Variants in MYO3B observed in about 807,000 individuals in gnomAD.
MYO3B encodes the protein myosin-IIIb.
MYO3B carries 156 observed loss-of-function variants against 174.6 expected under a neutral mutation model. The observed-to-expected ratio is 0.89, with a 90% confidence interval of 0.78 to 1.02. MYO3B has a LOEUF of 1.02. Ranked by LOEUF, MYO3B falls within the 50% of genes least tolerant of loss-of-function variation. MYO3B has a pLI of 0.00. For synonymous variants in MYO3B, 563 were observed against 569.1 expected, an observed-to-expected ratio of 0.99 and a Z score of 0.15; for missense variants, 1,632 against 1,639.4, an observed-to-expected ratio of 1.00 and a Z score of 0.08.
At chr2:170,195,338 A>G (rs2092586875) in intron 1 of MYO3B, among the ~76,000 whole-genome samples, 1 of 152,062 alleles carries the variant, frequency 6.6e-6, no homozygotes, top group Non-Finnish European at 1.5e-5. Flanking sequence ...AGATGAGAAG[A>G]ACAGAAGAAC....
intron 7 of MYO3B, among the ~76,000 whole-genome samples, chr2:170,238,414 A>C (rs888057954): frequency 6.6e-6 from 1 of 152,202 alleles, no homozygotes; most frequent in Non-Finnish European, 1.5e-5. Context: ...CAAATGAAAA[A>C]TAATGACAAA....
chr2:170,398,647 A>G (rs1010800978), intron 16 of MYO3B, among the ~76,000 whole-genome samples: 1 of 152,092 alleles, frequency 6.6e-6, no homozygotes. Context: ...GCTTGTTGTA[A>G]ATAACGAAAG....
Position 170,214,391 on chromosome 2 carries a change from G to A in MYO3B, c.334G>A (p.Gly112Ser). The A allele has an allele frequency of 6.2e-7, 1 of 1,613,988 alleles. No individual in the cohort carries two copies. Among genetic ancestry groups the A allele is most frequent in the Non-Finnish European group, 8.5e-7 (1 of 1,179,918 alleles). ...CCTCTTCTTGCAGCTGTGTAATGGG[G>A]GCTCAGTCACTGAGCTTGTCAAAGG... ...LWLVLELCNG[G>S]SVTELVKGLL... is the part of the protein sequence containing the mutation. Residue 112 changes from glycine to serine, a missense_variant, in exon 4 of 35, where the codon GGC becomes AGC. Gly to Ser is a moderately conservative substitution (Grantham distance 56). Coordinates refer to ENST00000408978, the MANE Select transcript of MYO3B (RefSeq NM_138995.5).
intron 32 of MYO3B, among the ~76,000 whole-genome samples, chr2:170,546,665 G>A (rs541602865): frequency 1.1e-3 from 167 of 152,206 alleles, no homozygotes; most frequent in Middle Eastern, 3.4e-3. Flanking sequence ...TAGTTTTTCC[G>A]TTTCGCATAT....
chr2:170,476,170 C>T (rs1010595743), intron 25 of MYO3B, among the ~76,000 whole-genome samples: 2 of 152,176 alleles, frequency 1.3e-5, no homozygotes, highest in Admixed American at 6.5e-5. Context: ...TGGATGGACA[C>T]GTGCAGGAGC....
rs372589205 is a variant in MYO3B at position 170,211,506 on chromosome 2, T to C, written c.322-2873T>C. ...TAAGGTTATTATTTCACTGTGAGCG[T>C]ATGCGGTATTTTCGAAGGGGATAAG... On this transcript the variant is annotated intron_variant, in intron 3 of 34. Transcript: ENST00000408978. Among the ~76,000 whole-genome samples the C allele has an allele frequency of 8.5e-5, 13 of 152,172 alleles. No individual in the cohort carries two copies. The East Asian group carries it at 2.3e-3, about 27-fold the overall frequency.
intron 22 of MYO3B, among the ~76,000 whole-genome samples, chr2:170,414,767 T>G (rs1302932039): frequency 6.6e-6 from 1 of 152,242 alleles, no homozygotes; most frequent in Non-Finnish European, 1.5e-5. Context: ...AATATTTTGT[T>G]GTTTTCAGCA....
chr2:170,191,050 A>C (rs2092534410), intron 1 of MYO3B, among the ~76,000 whole-genome samples: 1 of 151,936 alleles, frequency 6.6e-6, no homozygotes, highest in Admixed American at 6.6e-5. Context: ...TGCTCTTATT[A>C]GCAAGTGATG....
chr2:170,607,947 TGAA>T (rs1361578414), intron 32 of MYO3B, among the ~76,000 whole-genome samples: 1 of 152,206 alleles, frequency 6.6e-6, no homozygotes, highest in Admixed American at 6.5e-5. Context: ...ATATGTTTTG[TGAA>T]GGAGAAGTAA....
intron 8 of MYO3B, among the ~76,000 whole-genome samples, chr2:170,355,446 T>C (rs1399131609): frequency 1.3e-5 from 2 of 152,242 alleles, no homozygotes; most frequent in African/African-American, 4.8e-5. Flanking sequence ...CCAGTACGAC[T>C]ATTGCAGCTC....
intron 25 of MYO3B, among the ~76,000 whole-genome samples, chr2:170,484,034 T>A (rs1685870012): frequency 6.6e-6 from 1 of 152,218 alleles, no homozygotes; most frequent in Non-Finnish European, 1.5e-5. Flanking sequence ...GGTTTAGGGA[T>A]GACTTACAGA....
chr2:170,514,916 C>T lies in MYO3B; in HGVS notation c.3371-5C>T. The T allele has an allele frequency of 6.2e-7, 1 of 1,612,208 alleles. No individual in the cohort carries two copies. The highest frequency in any genetic ancestry group is 8.5e-7 in the Non-Finnish European group (1 of 1,179,018). ...TTGAGAAAGTCTTTTTGTTTCATTC[C>T]ACAGGGGACACTTCAAACCAAAGCA... On this transcript the variant is annotated splice_polypyrimidine_tract_variant and splice_region_variant and intron_variant, in intron 28 of 34. Coordinates refer to ENST00000408978, the MANE Select transcript of MYO3B (RefSeq NM_138995.5).
intron 32 of MYO3B, among the ~76,000 whole-genome samples, chr2:170,645,468 C>CAAAAAA (rs55720994): frequency 1.5e-5 from 1 of 66,392 alleles, no homozygotes; most frequent in Non-Finnish European, 3.0e-5. Context: ...GGCTCCGTCT[C>CAAAAAA]AAAAAAAAAA....
chr2:170,573,201 G>T (rs1349795607), intron 32 of MYO3B, among the ~76,000 whole-genome samples: 1 of 140,714 alleles, frequency 7.1e-6, no homozygotes, highest in African/African-American at 2.7e-5. Context: ...GTAAACATAT[G>T]TAATAAACAT....
intron 22 of MYO3B, among the ~76,000 whole-genome samples, chr2:170,420,604 A>G (rs1474787992): frequency 6.6e-6 from 1 of 152,136 alleles, no homozygotes; most frequent in Non-Finnish European, 1.5e-5. Flanking sequence ...GGAACTAGCA[A>G]ATGTTAATTA....
intron 25 of MYO3B, among the ~76,000 whole-genome samples, chr2:170,493,414 G>T (rs1686619992): frequency 6.6e-6 from 1 of 151,890 alleles, no homozygotes; most frequent in African/African-American, 2.4e-5. Flanking sequence ...TAATGACCTG[G>T]ACATCAGTGA....
chr2:170,317,506 A>G (rs1456864324), intron 7 of MYO3B, among the ~76,000 whole-genome samples: 1 of 152,170 alleles, frequency 6.6e-6, no homozygotes, highest in African/African-American at 2.4e-5. Context: ...CCATTTTGGG[A>G]AGATTTCAGA....
At position 170,653,152 on chromosome 2, in the gene MYO3B, A is replaced by C. The variant is rs781367928; in HGVS notation, c.*31A>C. The C allele has an allele frequency of 3.1e-6, 5 of 1,613,164 alleles. No homozygotes were observed. The highest frequency in any genetic ancestry group is 4.2e-6 in the Non-Finnish European group (5 of 1,179,262). On this transcript the variant is annotated 3_prime_UTR_variant, in exon 35 of 35. Coordinates refer to ENST00000408978, the MANE Select transcript of MYO3B (RefSeq NM_138995.5). ...GCTTCCTAACCCTAAATCTGTCCAG[A>C]GTAGGAACATTCATGGTAATCGACT...
At chr2:170,184,777 T>C (rs1338472608) in intron 1 of MYO3B, among the ~76,000 whole-genome samples, 1 of 152,186 alleles carries the variant, frequency 6.6e-6, no homozygotes, top group Non-Finnish European at 1.5e-5. Context: ...TTCTCCATAG[T>C]GATTGTGTTA....
Sources: gnomAD v4.1 joint callset for allele counts (sites outside exome capture counted in the v4.1 genomes callset) on GRCh38, gnomAD v4.1.1 for gene constraint, MANE v1.5 for transcripts, NCBI Gene and HGNC (gene_info 2026-07-23, HGNC 2026-07-21) for gene names.